BLTP3B: variants seen among roughly 807,000 people sequenced by gnomAD.
BLTP3B encodes UHRF1 (ICBP90) binding protein 1-like.
the BLTP3B span, chr12:100,039,531 T>C: frequency 7.1e-6 from 10 of 1,412,774 alleles, no homozygotes; most frequent in African/African-American, 1.2e-4. Context: ...ATGTTTTAAC[T>C]ATTAGTATCT....
chr12:100,055,796 G>A, the BLTP3B span, among the ~76,000 whole-genome samples: 1 of 151,906 alleles, frequency 6.6e-6, no homozygotes, highest in Admixed American at 6.6e-5. Context: ...TGTAAAAGAA[G>A]GATAAGAATA....
At chr12:100,113,783 C>A in the BLTP3B span, among the ~76,000 whole-genome samples, 2 of 151,318 alleles carry the variant, frequency 1.3e-5, no homozygotes, top group African/African-American at 2.4e-5. Flanking sequence ...CATAGAGACA[C>A]CCTGTCTCAG....
At chr12:100,062,237 T>C in the BLTP3B span, among the ~76,000 whole-genome samples, 486 of 152,366 alleles carry the variant, frequency 3.2e-3, 1 homozygote, top group African/African-American at 0.011. Context: ...CCCTAACAAA[T>C]GAATATACTT....
At chr12:100,052,790 G>GTTTTGTTTTTTTTTTTTTTTTTTTTTTTT in the BLTP3B span, among the ~76,000 whole-genome samples, 1 of 114,340 alleles carries the variant, frequency 8.7e-6, no homozygotes, top group Non-Finnish European at 1.8e-5. Context: ...TTTCTTTTCT[G>GTTTTGTTTTTTTTTTTTTTTTTTTTTTTT]TTTTTTTTTT....
the BLTP3B span, among the ~76,000 whole-genome samples, chr12:100,056,621 C>T: frequency 1.3e-5 from 2 of 151,280 alleles, no homozygotes; most frequent in Non-Finnish European, 2.9e-5. Context: ...ACGGATCATT[C>T]GAGGTCAGGA....
chr12:100,038,455 C>T, the BLTP3B span, among the ~76,000 whole-genome samples: 35 of 152,140 alleles, frequency 2.3e-4, no homozygotes, highest in Admixed American at 3.9e-4. Flanking sequence ...CTTGCCTCAG[C>T]CTCCTGAGTA....
At chr12:100,101,576 A>T in the BLTP3B span, among the ~76,000 whole-genome samples, 4 of 152,242 alleles carry the variant, frequency 2.6e-5, no homozygotes, top group Non-Finnish European at 5.9e-5. Flanking sequence ...TAGAAAAATC[A>T]TGTATAGTTC....
the BLTP3B span, among the ~76,000 whole-genome samples, chr12:100,131,766 A>T: frequency 6.6e-6 from 1 of 152,074 alleles, no homozygotes; most frequent in Non-Finnish European, 1.5e-5. Context: ...CTTACATTCA[A>T]ACTAAACTCC....
At chr12:100,062,741 G>A in the BLTP3B span, among the ~76,000 whole-genome samples, 1 of 152,040 alleles carries the variant, frequency 6.6e-6, no homozygotes, top group Non-Finnish European at 1.5e-5. Context: ...GTGGGAGGAT[G>A]GCTTGAGCCC....
At chr12:100,076,117 TA>T in the BLTP3B span, among the ~76,000 whole-genome samples, 624 of 142,962 alleles carry the variant, frequency 4.4e-3, 6 homozygotes, top group African/African-American at 0.012. Context: ...AAGTTGAAAT[TA>T]AAAAAAAAAA....
chr12:100,124,043 C>T, the BLTP3B span, among the ~76,000 whole-genome samples: 1 of 152,010 alleles, frequency 6.6e-6, no homozygotes, highest in Non-Finnish European at 1.5e-5. Context: ...GACAGAAAGA[C>T]TGCTTGAAGC....
the BLTP3B span, among the ~76,000 whole-genome samples, chr12:100,040,310 T>A: frequency 1.3e-5 from 2 of 151,934 alleles, no homozygotes; most frequent in African/African-American, 4.8e-5. Context: ...CTGGGAGAAC[T>A]GCTTGAGACC....
the BLTP3B span, among the ~76,000 whole-genome samples, chr12:100,067,426 A>G: frequency 6.6e-6 from 1 of 152,202 alleles, no homozygotes. Flanking sequence ...AAAGATAAAT[A>G]AAATTGATAG....
At chr12:100,071,494 C>T in the BLTP3B span, among the ~76,000 whole-genome samples, 2 of 59,594 alleles carry the variant, frequency 3.4e-5, no homozygotes, top group African/African-American at 1.2e-4. Flanking sequence ...AAGACTATGT[C>T]TCCAAAAAAA....
the BLTP3B span, among the ~76,000 whole-genome samples, chr12:100,050,001 T>C: frequency 3.9e-5 from 6 of 152,172 alleles, no homozygotes; most frequent in African/African-American, 9.7e-5. Context: ...TGTCTTCCTA[T>C]TGAAGCTCCA....
chr12:100,092,834 T>C, the BLTP3B span: 3 of 904,508 alleles, frequency 3.3e-6, no homozygotes, highest in Non-Finnish European at 4.0e-6. Flanking sequence ...TCTATGATGG[T>C]AATATTGCAA....
chr12:100,082,597 A>G, the BLTP3B span, among the ~76,000 whole-genome samples: 2 of 152,196 alleles, frequency 1.3e-5, no homozygotes, highest in Non-Finnish European at 2.9e-5. Flanking sequence ...TCTAATTTCA[A>G]TCTTCTGCAT....
At chr12:100,132,161 TAA>T in the BLTP3B span, among the ~76,000 whole-genome samples, 2 of 152,178 alleles carry the variant, frequency 1.3e-5, no homozygotes, top group Non-Finnish European at 2.9e-5. Context: ...ATGTAATTGA[TAA>T]GAGATCAACT....
the BLTP3B span, among the ~76,000 whole-genome samples, chr12:100,119,770 T>C: frequency 3.9e-5 from 6 of 152,154 alleles, no homozygotes; most frequent in African/African-American, 1.4e-4. Context: ...CCTTGACCTT[T>C]ACCTCACCCC....
Sources: gnomAD v4.1 joint callset for allele counts (sites outside exome capture counted in the v4.1 genomes callset) on GRCh38, gnomAD v4.1.1 for gene constraint, MANE v1.5 for transcripts, NCBI Gene and HGNC (gene_info 2026-07-23, HGNC 2026-07-21) for gene names.